Variants in TIAM1 observed in about 807,000 individuals in gnomAD.
TIAM1 encodes the protein TIAM Rac1 associated GEF 1, also known as rho guanine nucleotide exchange factor TIAM1.
In TIAM1, 65 loss-of-function variants were observed where a neutral mutation model predicts 163.5. The ratio of observed to expected loss-of-function variants is 0.40; its 90% CI spans 0.33 to 0.49. TIAM1 has a LOEUF of 0.49. Among genes scored for constraint, TIAM1 ranks in the 20% least tolerant of loss-of-function variants. The pLI is 0.77. For synonymous variants in TIAM1, 833 were observed against 810.1 expected, an observed-to-expected ratio of 1.03 and a Z score of -0.48; for missense variants, 1,789 against 2,044.7, an observed-to-expected ratio of 0.87 and a Z score of 2.41.
At chr21:31,451,783 G>A (rs580276) in intron 2 of TIAM1, among the ~76,000 whole-genome samples, 141,313 of 142,356 alleles carry the variant, frequency 0.99, 70,135 homozygotes, top group Admixed American at 1. Context: ...GAGAGAGAGA[G>A]AGAGAGATAA....
chr21:31,519,032 C>T (rs2047477851), intron 1 of TIAM1, among the ~76,000 whole-genome samples: 1 of 151,956 alleles, frequency 6.6e-6, no homozygotes, highest in Non-Finnish European at 1.5e-5. Flanking sequence ...CCGCCTTGGC[C>T]GGGCGCAGTG....
chr21:31,243,419 T>C (rs1316247938), intron 6 of TIAM1, among the ~76,000 whole-genome samples: 1 of 151,464 alleles, frequency 6.6e-6, no homozygotes, highest in Non-Finnish European at 1.5e-5. Flanking sequence ...TCATCAAGCA[T>C]ACTAATGTAA....
intron 2 of TIAM1, among the ~76,000 whole-genome samples, chr21:31,453,690 G>GTAAATAAA (rs766672469): frequency 8.8e-3 from 99 of 11,276 alleles, no homozygotes; most frequent in Middle Eastern, 0.026. Flanking sequence ...TCCATCTCCA[G>GTAAATAAA]TAAATAAATA....
intron 1 of TIAM1, among the ~76,000 whole-genome samples, chr21:31,553,526 A>G (rs2048764399): frequency 6.6e-6 from 1 of 152,144 alleles, no homozygotes; most frequent in Non-Finnish European, 1.5e-5. Context: ...GTGAGTGGGA[A>G]CGAGCTCATG....
intron 2 of TIAM1, among the ~76,000 whole-genome samples, chr21:31,281,996 G>A (rs961572949): frequency 2.6e-4 from 40 of 152,160 alleles, no homozygotes; most frequent in African/African-American, 9.6e-4. Flanking sequence ...GAAAAAACTT[G>A]GGAATGACTT....
At chr21:31,358,992 C>A (rs963077895) in intron 2 of TIAM1, among the ~76,000 whole-genome samples, 4 of 152,112 alleles carry the variant, frequency 2.6e-5, no homozygotes, top group African/African-American at 7.2e-5. Flanking sequence ...TTGGCCTCCT[C>A]GATGTTCCCT....
chr21:31,514,252 G>A (rs1602463627), intron 1 of TIAM1, among the ~76,000 whole-genome samples: 2 of 151,968 alleles, frequency 1.3e-5, no homozygotes, highest in South Asian at 2.1e-4. Context: ...AGTAAAAACC[G>A]TTTAAGACCA....
At chr21:31,558,981 C>G (rs1226718885), upstream of TIAM1, 1 of 151,724 alleles carries the variant, frequency 6.6e-6, no homozygotes, top group East Asian at 2.0e-4. Context: ...GCGGGGCAGC[C>G]GTGCCCCTGG....
chr21:31,124,525 C>T lies in TIAM1; in HGVS notation c.4303G>A (p.Ala1435Thr), dbSNP rs755268235. 1 of 1,613,042 alleles carries T rather than the reference C, an allele frequency of 6.2e-7. No individual in the cohort carries two copies. Among genetic ancestry groups the T allele is most frequent in the Non-Finnish European group, 8.5e-7 (1 of 1,179,974 alleles). ...LKGARPAMSR[A>T]VSAPSKSLGR... Reference sequence around the variant, plus strand: ...AACGTCCGAATCCCCACAGTACCTGCCCTGCTCATGGCCGGCCTGGCCCCC... The same window carrying T: ...AACGTCCGAATCCCCACAGTACCTGTCCTGCTCATGGCCGGCCTGGCCCCC... The change falls in exon 27 of 28, where the codon GCA becomes ACA. Residue 1435 changes from alanine to threonine, a missense_variant. This residue lies in a region of TIAM1 where 415 missense variants were observed against 439.2 expected (regional missense o/e 0.94). Transcript: ENST00000541036.
chr21:31,300,661 T>C (rs192625489), intron 2 of TIAM1, among the ~76,000 whole-genome samples: 165 of 152,366 alleles, frequency 1.1e-3, no homozygotes, highest in Admixed American at 1.6e-3. Context: ...CAAAAGATTA[T>C]TGTTGCTAAA....
chr21:31,275,624 AT>A (rs1382485647), intron 3 of TIAM1, among the ~76,000 whole-genome samples: 3 of 152,190 alleles, frequency 2.0e-5, no homozygotes, highest in Non-Finnish European at 4.4e-5. Flanking sequence ...TTATTATAAA[AT>A]CTCAATGGCA....
intron 16 of TIAM1, chr21:31,160,552 G>A (rs2083864393): frequency 2.5e-6 from 1 of 398,504 alleles, no homozygotes; most frequent in African/African-American, 2.1e-5. Flanking sequence ...GTATTCTCAT[G>A]GTAATTAATT....
intron 2 of TIAM1, among the ~76,000 whole-genome samples, chr21:31,463,601 T>C (rs1223494349): frequency 6.6e-5 from 10 of 152,078 alleles, no homozygotes; most frequent in Non-Finnish European, 1.3e-4. Context: ...ACGGATCACC[T>C]GAGGTAAGGA....
At chr21:31,269,946 C>A (rs1425609992) in intron 3 of TIAM1, among the ~76,000 whole-genome samples, 1 of 152,206 alleles carries the variant, frequency 6.6e-6, no homozygotes, top group African/African-American at 2.4e-5. Flanking sequence ...GCTGGGATTA[C>A]AGGCGTGAGC....
chr21:31,146,861 C>T, intron 20 of TIAM1, 34 bp downstream of exon 20: 1 of 1,568,606 alleles, frequency 6.4e-7, no homozygotes, highest in South Asian at 1.1e-5. Context: ...TGACAAGCAA[C>T]ACACCCCCAC....
chr21:31,491,607 T>C (rs754721527), intron 1 of TIAM1, among the ~76,000 whole-genome samples: 6 of 152,220 alleles, frequency 3.9e-5, no homozygotes, highest in Non-Finnish European at 5.9e-5. Context: ...CCAACTGATA[T>C]CTTTTATGAC....
chr21:31,222,694 TATATATATATA>T (rs1293628082), intron 8 of TIAM1, among the ~76,000 whole-genome samples: 67 of 38,098 alleles, frequency 1.8e-3, no homozygotes, highest in Non-Finnish European at 2.2e-3. Context: ...TATATATATA[TATATATATATA>T]TATTTTTTTT....
chr21:31,549,595 A>AT (rs776070568), intron 1 of TIAM1, among the ~76,000 whole-genome samples: 13 of 152,354 alleles, frequency 8.5e-5, no homozygotes, highest in Non-Finnish European at 1.3e-4. Context: ...GGAGAAATGC[A>AT]TATCAAAACC....
intron 2 of TIAM1, among the ~76,000 whole-genome samples, chr21:31,389,999 C>T (rs1050165414): frequency 1.3e-5 from 2 of 152,086 alleles, no homozygotes; most frequent in African/African-American, 4.8e-5. Context: ...TATCACTTTT[C>T]AGTATGGCTT....
Sources: allele counts gnomAD v4.1 joint callset (sites outside exome capture counted in the v4.1 genomes callset), GRCh38; gene constraint gnomAD v4.1.1; regional missense constraint gnomAD v4.1.1; transcripts MANE v1.5; gene names NCBI Gene and HGNC (gene_info 2026-07-23, HGNC 2026-07-21).